EPS8: variants seen among roughly 807,000 people sequenced by gnomAD.
The protein encoded by EPS8 is epidermal growth factor receptor kinase substrate 8.
Under a neutral mutation model 103.8 loss-of-function variants are expected in EPS8, and 42 were observed. The observed-to-expected ratio is 0.40, with a 90% confidence interval of 0.32 to 0.52. The LOEUF is 0.52. EPS8 is among the 20% of genes least tolerant of loss of function. The pLI is 0.40. For missense variants in EPS8, 969 were observed against 1,005.1 expected (o/e 0.96, Z 0.49); for synonymous variants, 344 against 344.6 (o/e 1.00, Z 0.02).
At chr12:15,692,319 GTTTT>G (rs56016545) in intron 1 of EPS8, among the ~76,000 whole-genome samples, 1,462 of 120,260 alleles carry the variant, frequency 0.012, 24 homozygotes, top group South Asian at 0.025. Context: ...AAGAGGTTTG[GTTTT>G]TTTTTTTTTT....
chr12:15,631,979 A>G (rs1945054806), intron 17 of EPS8, among the ~76,000 whole-genome samples: 1 of 152,198 alleles, frequency 6.6e-6, no homozygotes, highest in Non-Finnish European at 1.5e-5. Context: ...GGGAGGCAGA[A>G]AGATTTATAA....
intron 1 of EPS8, among the ~76,000 whole-genome samples, chr12:15,692,895 G>C (rs1370459348): frequency 1.3e-5 from 2 of 151,926 alleles, no homozygotes; most frequent in Non-Finnish European, 2.9e-5. Flanking sequence ...TCTGATTACA[G>C]TATATTCTCT....
At chr12:15,708,039 G>A (rs557273126) in intron 1 of EPS8, among the ~76,000 whole-genome samples, 19 of 152,252 alleles carry the variant, frequency 1.2e-4, no homozygotes, top group African/African-American at 4.1e-4. Flanking sequence ...CCTGAGTAGC[G>A]TTGTTTCCTC....
intron 7 of EPS8, among the ~76,000 whole-genome samples, chr12:15,666,152 G>C (rs950886991): frequency 2.0e-5 from 3 of 152,122 alleles, no homozygotes; most frequent in African/African-American, 7.2e-5. Context: ...CAATCCTACT[G>C]TCTAGCTTGT....
intron 1 of EPS8, among the ~76,000 whole-genome samples, chr12:15,755,167 G>A (rs1946973421): frequency 6.6e-6 from 1 of 152,168 alleles, no homozygotes; most frequent in Admixed American, 6.5e-5. Flanking sequence ...AGCCTCTGCA[G>A]TCTATCAGCC....
In EPS8 at chr12:15,649,983, G is replaced by A. The variant is rs968038823; in HGVS notation, c.1434+840C>T. 1.6e-4 allele frequency among the ~76,000 whole-genome samples: 24 copies of A among 151,926 alleles called. 1 individual carries two copies. The highest frequency in any genetic ancestry group is 1.3e-3 in the Admixed American group (20 of 15,246). On this transcript the variant is annotated intron_variant, in intron 14 of 20. Transcript: ENST00000281172. Reference sequence around the variant, plus strand: ...CTAGATCTCATTCACCTAACTCTTCGGGTTCTGATCATCCTATTTGTGTTT... The same window carrying A: ...CTAGATCTCATTCACCTAACTCTTCAGGTTCTGATCATCCTATTTGTGTTT...
rs772345194 is a variant in EPS8, at chr12:15,631,479, C to T, written c.2007G>A (p.Val669=). ...SSSSDSGGSI[V]RDSQRHKQLP... The stretch of plus-strand genomic sequence containing the variant: ...GTTGTTTGTGTCTCTGGCTGTCTCG[C>T]ACGATACTGCCACCACTGTCACTGG... The change falls in exon 18 of 21, where the codon GTG becomes GTA. Residue 669 remains valine, a synonymous_variant. Transcript: ENST00000281172. 3.1e-6 allele frequency: 5 copies of T among 1,614,026 alleles called. No homozygotes were observed. The East Asian group carries it at 1.1e-4, about 36-fold the overall frequency.
intron 19 of EPS8, among the ~76,000 whole-genome samples, 168 bp downstream of exon 19, chr12:15,624,059 A>T (rs1944903541): frequency 6.6e-6 from 1 of 152,238 alleles, no homozygotes; most frequent in African/African-American, 2.4e-5. Context: ...TGCTTATTTT[A>T]GTTCTTTTTC....
At chr12:15,665,628 G>T in intron 8 of EPS8, 128 bp downstream of exon 8, 1 of 1,154,768 alleles carries the variant, frequency 8.7e-7, no homozygotes, top group Non-Finnish European at 1.3e-6. Context: ...ACTGCGCCCG[G>T]CCAGAGTTGA....
intron 7 of EPS8, 50 bp downstream of exon 7, chr12:15,666,390 G>A (rs1945710560): frequency 2.2e-6 from 3 of 1,386,416 alleles, no homozygotes; most frequent in Middle Eastern, 3.5e-4. Flanking sequence ...GGGGAAAAAA[G>A]CCTTAGAAAC....
At position 15,623,282 on chromosome 12, in the gene EPS8, A is replaced by G. The variant is rs1449948926; in HGVS notation, c.2231T>C (p.Val744Ala). 1.3e-6 allele frequency: 2 copies of G among 1,582,168 alleles called. No individual in the cohort carries two copies. Among genetic ancestry groups the G allele is most frequent in the African/African-American group, 2.8e-5 (2 of 70,630 alleles). Residue 744 changes from valine (V) to alanine (A), a missense_variant, in exon 20 of 21, where the codon GTC (valine) becomes GCC (alanine). Physicochemically the swap from Val to Ala is moderately conservative, Grantham distance 64. Coordinates refer to ENST00000281172, the MANE Select transcript of EPS8 (RefSeq NM_004447.6). ...ACCATTTAATACTCCAAGACTATTG[A>G]CAGTCCTAAAAAAAAAAAAAGGAAA... is the stretch of plus-strand genomic sequence containing the variant. The part of the protein sequence containing the change: ...LQSKGFNPVT[V>A]NSLGVLNGAQ...
Position 15,701,491 on chromosome 12 carries a change from C to A in EPS8, c.-21-18519G>T, listed in dbSNP as rs1946310764. ...ACTTAAACACACTTAAGCATACACA[C>A]ACACACAATTACACATATACAGATA... On this transcript the variant is annotated intron_variant, in intron 1 of 20. Transcript: ENST00000281172. This position sits in a 1 kb window ranked among gnomAD's most constrained non-coding sequence, Gnocchi z 5.1. Among the ~76,000 whole-genome samples, 1 of 152,218 alleles carries A rather than the reference C, an allele frequency of 6.6e-6. No individual in the cohort carries two copies. Among genetic ancestry groups the A allele is most frequent in the South Asian group, 2.1e-4 (1 of 4,828 alleles).
chr12:15,621,234 C>T lies in EPS8; in HGVS notation c.*83G>A, dbSNP rs1944856463. ...ATAAATTACATCAAGAAAAATGAAT[C>T]TGACATTCCCTTCAAGGCTTCTTAA... On this transcript the variant is annotated 3_prime_UTR_variant, in exon 21 of 21. Coordinates refer to ENST00000281172, the MANE Select transcript of EPS8 (RefSeq NM_004447.6). The T allele has an allele frequency of 1.6e-6, 1 of 630,558 alleles. No homozygotes were observed. The highest frequency in any genetic ancestry group is 1.9e-5 in the African/African-American group (1 of 51,302). 39.1% of individuals were successfully genotyped at this position (630,558 alleles called of 1,614,324 possible). A position where few individuals can be genotyped will look rare whatever the true frequency, so the allele number is the denominator to read the frequency against.
intron 9 of EPS8, among the ~76,000 whole-genome samples, chr12:15,661,159 G>A (rs1255846799): frequency 6.6e-6 from 1 of 152,148 alleles, no homozygotes; most frequent in African/African-American, 2.4e-5. Context: ...ACAGATTGTT[G>A]TGATAACCTA....
At chr12:15,670,184 TAGC>T (rs755824136) in intron 4 of EPS8, among the ~76,000 whole-genome samples, 2 of 152,158 alleles carry the variant, frequency 1.3e-5, no homozygotes, top group Non-Finnish European at 2.9e-5. Context: ...ATGCTGAACA[TAGC>T]AGCATTTAAA....
rs140865927 is a variant in EPS8, at chr12:15,642,714, G to A, written c.1569-884C>T. Among the ~76,000 whole-genome samples, 43 of 152,166 alleles carry A rather than the reference G, an allele frequency of 2.8e-4. No individual in the cohort carries two copies. In the East Asian group the frequency reaches 7.5e-3, roughly 27 times the overall value. On this transcript the variant is annotated intron_variant, in intron 15 of 20. Coordinates refer to ENST00000281172, the MANE Select transcript of EPS8 (RefSeq NM_004447.6). ...CACATCTCTACAAGGGAAATAGCAG[G>A]TAGAGACTAAAGATGTTAGGTCATC...
At chr12:15,730,049 C>A (rs976746475) in intron 1 of EPS8, among the ~76,000 whole-genome samples, 4 of 152,146 alleles carry the variant, frequency 2.6e-5, no homozygotes, top group African/African-American at 9.7e-5. Flanking sequence ...TGTAAATTCA[C>A]CTGTGTAGCT....
rs1290055297 is a variant in EPS8 at position 15,698,279 on chromosome 12, A to G, written c.-21-15307T>C. Reference sequence around the variant, plus strand: ...TTATAAGAAAAGACAGAATAAAACAATGTTCTAAAAGTAATTTTAAAATCT... The same window carrying G: ...TTATAAGAAAAGACAGAATAAAACAGTGTTCTAAAAGTAATTTTAAAATCT... On this transcript the variant is annotated intron_variant, in intron 1 of 20. Coordinates refer to ENST00000281172, the MANE Select transcript of EPS8 (RefSeq NM_004447.6). This position sits in a 1 kb window ranked among gnomAD's most constrained non-coding sequence, Gnocchi z 4.9. Among the ~76,000 whole-genome samples the G allele has an allele frequency of 6.6e-6, 1 of 152,184 alleles. No homozygotes were observed. The highest frequency in any genetic ancestry group is 2.4e-5 in the African/African-American group (1 of 41,458).
In EPS8 at chr12:15,624,275, G is replaced by C; in HGVS notation, c.2177C>G (p.Thr726Arg). 6.2e-7 allele frequency: 1 copy of C among 1,613,894 alleles called. No homozygotes were observed. Among genetic ancestry groups the C allele is most frequent in the Non-Finnish European group, 8.5e-7 (1 of 1,179,932 alleles). The change falls in exon 19 of 21, where the codon ACA becomes AGA. Residue 726 changes from threonine to arginine, a missense_variant. Thr to Arg is a moderately conservative substitution (Grantham distance 71). Coordinates refer to ENST00000281172, the MANE Select transcript of EPS8 (RefSeq NM_004447.6). ...VPVINITYDS[T>R]PEDVKTWLQS... Reference sequence around the variant, plus strand: ...TAACCACGTCTTCACATCCTCTGGTGTGGAGTCGTAAGTGATATTGATAAC... The same window carrying C: ...TAACCACGTCTTCACATCCTCTGGTCTGGAGTCGTAAGTGATATTGATAAC...
Sources: allele counts gnomAD v4.1 joint callset (sites outside exome capture counted in the v4.1 genomes callset), GRCh38; gene constraint gnomAD v4.1.1; non-coding constraint Gnocchi (gnomAD v3.1); transcripts MANE v1.5; gene names NCBI Gene and HGNC (gene_info 2026-07-23, HGNC 2026-07-21).